Variants in GNG12 observed in about 807,000 individuals in gnomAD.
The protein encoded by GNG12 is guanine nucleotide-binding protein G(I)/G(S)/G(O) subunit gamma-12.
For synonymous variants in GNG12, 28 were observed against 29.7 expected (o/e 0.94, Z 0.19); for missense variants, 69 against 83.8 (o/e 0.82, Z 0.69).
intron 2 of GNG12, among the ~76,000 whole-genome samples, chr1:67,722,160 G>C (rs932517844): frequency 6.6e-6 from 1 of 152,052 alleles, no homozygotes; most frequent in Admixed American, 6.6e-5. Context: ...ACACCTGATG[G>C]GAGGGTTGAA....
chr1:67,733,247 C>CAAAA (rs1646431352), intron 2 of GNG12, among the ~76,000 whole-genome samples: 1 of 152,110 alleles, frequency 6.6e-6, no homozygotes, highest in South Asian at 2.1e-4. Context: ...GGGGTGTTTG[C>CAAAA]CTTTTCTTCT....
chr1:67,792,446 C>T (rs1359460728), intron 1 of GNG12, among the ~76,000 whole-genome samples: 3 of 152,272 alleles, frequency 2.0e-5, no homozygotes, highest in African/African-American at 4.8e-5. Flanking sequence ...TTTTAAACTA[C>T]GTATGCCTTA....
chr1:67,768,800 C>T (rs1308984916), intron 2 of GNG12, among the ~76,000 whole-genome samples: 1 of 152,184 alleles, frequency 6.6e-6, no homozygotes, highest in Non-Finnish European at 1.5e-5. Flanking sequence ...AAAATGTATA[C>T]ATATAAAAAG....
At chr1:67,826,941 G>C (rs922691038) in intron 1 of GNG12, among the ~76,000 whole-genome samples, 6 of 152,224 alleles carry the variant, frequency 3.9e-5, no homozygotes, top group Non-Finnish European at 8.8e-5. Flanking sequence ...CAGTGGTCAA[G>C]GACGTCTTGG....
chr1:67,787,221 G>C (rs978535086), intron 1 of GNG12, among the ~76,000 whole-genome samples: 3 of 151,856 alleles, frequency 2.0e-5, no homozygotes, highest in Non-Finnish European at 4.4e-5. Context: ...GATCATAGAA[G>C]GCTTCCAGGA....
At chr1:67,770,994 T>A (rs1051554895) in intron 2 of GNG12, among the ~76,000 whole-genome samples, 5 of 151,156 alleles carry the variant, frequency 3.3e-5, no homozygotes, top group Non-Finnish European at 7.4e-5. Context: ...TGAGAGAGAG[T>A]GAGTGAGAGA....
At chr1:67,764,023 C>G (rs1646621711) in intron 2 of GNG12, among the ~76,000 whole-genome samples, 1 of 152,164 alleles carries the variant, frequency 6.6e-6, no homozygotes, top group African/African-American at 2.4e-5. Flanking sequence ...TGTCATGCCT[C>G]TGAATATATT....
At chr1:67,722,507 G>A (rs967614371) in intron 2 of GNG12, among the ~76,000 whole-genome samples, 2 of 151,788 alleles carry the variant, frequency 1.3e-5, no homozygotes, top group Non-Finnish European at 2.9e-5. Flanking sequence ...CAAGCAGTAG[G>A]TGCTTAGAGA....
chr1:67,815,890 G>T (rs369974051), intron 1 of GNG12, among the ~76,000 whole-genome samples: 4 of 152,066 alleles, frequency 2.6e-5, no homozygotes, highest in Admixed American at 2.6e-4. Context: ...AGTACACTCC[G>T]GCAGCAAGAA....
chr1:67,740,117 T>C (rs1355958382), intron 2 of GNG12, among the ~76,000 whole-genome samples: 1 of 152,224 alleles, frequency 6.6e-6, no homozygotes, highest in Non-Finnish European at 1.5e-5. Flanking sequence ...AAAATATGTT[T>C]AGGATATTAC....
Position 67,702,932 on chromosome 1 carries a change from C to A in GNG12, c.*2519G>T, listed in dbSNP as rs41311166. 3 of 152,174 alleles carry A rather than the reference C, an allele frequency of 2.0e-5. No homozygotes were observed. Among genetic ancestry groups the A allele is most frequent in the Non-Finnish European group, 4.4e-5 (3 of 68,026 alleles). The allele number at this position is 152,174 out of a possible 1,614,324, so 9.4% of individuals were successfully genotyped here. A position where few individuals can be genotyped will look rare whatever the true frequency, so the allele number is the denominator to read the frequency against. ...AGTGGTAGTTGGAAAAAGTAACAAA[C>A]ACTGGGTATTTGTCTATCATTAACA... On this transcript the variant is annotated 3_prime_UTR_variant, in exon 4 of 4. Transcript: ENST00000370982.
intron 1 of GNG12, among the ~76,000 whole-genome samples, chr1:67,829,730 G>A (rs1284318691): frequency 6.6e-6 from 1 of 152,178 alleles, no homozygotes; most frequent in African/African-American, 2.4e-5. Flanking sequence ...TATGTTCTAG[G>A]AGTGAAACGA....
intron 2 of GNG12, among the ~76,000 whole-genome samples, chr1:67,776,178 T>G (rs1570538299): frequency 6.6e-6 from 1 of 152,220 alleles, no homozygotes; most frequent in Non-Finnish European, 1.5e-5. Context: ...TTGAACTGAC[T>G]GAGATGCCAG....
intron 2 of GNG12, among the ~76,000 whole-genome samples, chr1:67,742,673 T>C (rs1053091751): frequency 6.6e-6 from 1 of 152,194 alleles, no homozygotes; most frequent in African/African-American, 2.4e-5. Context: ...GAAATATTTT[T>C]ATTATAAATA....
At chr1:67,800,864 A>G (rs1183916432) in intron 1 of GNG12, among the ~76,000 whole-genome samples, 1 of 152,126 alleles carries the variant, frequency 6.6e-6, no homozygotes, top group African/African-American at 2.4e-5. Context: ...GATCATGGAG[A>G]CCCCTAGGGT....
intron 1 of GNG12, among the ~76,000 whole-genome samples, chr1:67,801,189 G>A (rs1345069061): frequency 6.6e-6 from 1 of 152,108 alleles, no homozygotes; most frequent in Non-Finnish European, 1.5e-5. Context: ...TCCTCAAAAC[G>A]GTCCCAGAAG....
rs139288452 is a variant in GNG12 at position 67,730,838 on chromosome 1, C to T, written c.-26-23126G>A. On this transcript the variant is annotated intron_variant, in intron 2 of 3. Coordinates refer to ENST00000370982, the MANE Select transcript of GNG12 (RefSeq NM_018841.6). The stretch of plus-strand genomic sequence containing the variant: ...TGGGGCCCAGGAACCCTTTTCAATA[C>T]GGCTGTAATCTATTGTTTCAGAGTA... Among the ~76,000 whole-genome samples, 498 of 152,290 alleles carry T rather than the reference C, an allele frequency of 3.3e-3. 4 individuals carry two copies. Among genetic ancestry groups the T allele is most frequent in the African/African-American group, 0.011 (440 of 41,572 alleles).
At chr1:67,751,216 CAT>C (rs1646537383) in intron 2 of GNG12, among the ~76,000 whole-genome samples, 2 of 150,510 alleles carry the variant, frequency 1.3e-5, no homozygotes, top group African/African-American at 2.4e-5. Flanking sequence ...CACACACGTG[CAT>C]ATACACACAC....
At chr1:67,768,146 G>A (rs908427044) in intron 2 of GNG12, among the ~76,000 whole-genome samples, 1 of 152,182 alleles carries the variant, frequency 6.6e-6, no homozygotes, top group Non-Finnish European at 1.5e-5. Context: ...TGCATCCTGT[G>A]AACCACACAT....
Sources: allele counts gnomAD v4.1 joint callset (sites outside exome capture counted in the v4.1 genomes callset), GRCh38; gene constraint gnomAD v4.1.1; transcripts MANE v1.5; gene names NCBI Gene and HGNC (gene_info 2026-07-23, HGNC 2026-07-21).